The following EIF3B variants were observed in gnomAD, a reference collection of about 807,000 sequenced individuals.
EIF3B encodes the protein eukaryotic translation initiation factor 3 subunit 9.
EIF3B carries 10 observed loss-of-function variants against 104.6 expected under a neutral mutation model. That is an observed-to-expected ratio of 0.10 (90% CI 0.06 to 0.16). The LOEUF (loss-of-function observed/expected upper bound fraction) is 0.16, where lower values mean the gene tolerates loss of function less well. Ranked by LOEUF, EIF3B falls within the 10% of genes least tolerant of loss-of-function variation. EIF3B has a pLI of 1.00. For synonymous variants in EIF3B, 542 were observed against 417.2 expected (o/e 1.30, Z -3.65); for missense variants, 1,014 against 1,087.9 (o/e 0.93, Z 0.96).
intron 13 of EIF3B, 191 bp downstream of exon 13, chr7:2,374,797 C>T (rs113614121): frequency 2.0e-5 from 10 of 500,988 alleles, no homozygotes; most frequent in Middle Eastern, 3.7e-4. Flanking sequence ...AGGCCAAGCC[C>T]GCACAGAGTG....
chr7:2,378,865 T>C (rs1780834695), intron 16 of EIF3B, 99 bp downstream of exon 16: 2 of 1,096,198 alleles, frequency 1.8e-6, no homozygotes, highest in Non-Finnish European at 1.4e-6. Context: ...CAGAGTTGCC[T>C]CTGCTCCGAA....
intron 4 of EIF3B, among the ~76,000 whole-genome samples, chr7:2,363,416 T>C (rs1779845474): frequency 6.6e-6 from 1 of 151,284 alleles, no homozygotes; most frequent in Admixed American, 6.6e-5. Flanking sequence ...GAGGCTGCCG[T>C]GAGCTATGAT....
Position 2,380,270 on chromosome 7 carries a change from C to G in EIF3B, c.*81C>G. 2 of 500,154 alleles carry G rather than the reference C, an allele frequency of 4.0e-6. No individual in the cohort carries two copies. Among genetic ancestry groups the G allele is most frequent in the Non-Finnish European group, 8.0e-6 (2 of 251,302 alleles). The allele number at this position is 500,154 out of a possible 1,614,324, so 31.0% of individuals were successfully genotyped here. ...CTCCCGAGTGTGAGCCGCGGTTCCT[C>G]TGTTGCAGCGCAGCCGTGTGTGCTG... On this transcript the variant is annotated 3_prime_UTR_variant, in exon 19 of 19. Transcript: ENST00000360876.
chr7:2,357,404 A>G (rs1779505723), intron 1 of EIF3B, among the ~76,000 whole-genome samples: 1 of 152,188 alleles, frequency 6.6e-6, no homozygotes, highest in Non-Finnish European at 1.5e-5. Flanking sequence ...GTGCTTTATG[A>G]GAAGAGCTGC....
At chr7:2,370,986 C>T (rs1185181308) in intron 10 of EIF3B, among the ~76,000 whole-genome samples, 1 of 152,124 alleles carries the variant, frequency 6.6e-6, no homozygotes, top group African/African-American at 2.4e-5. Flanking sequence ...TGGCGTGAAC[C>T]CGGGAGGCGG....
At chr7:2,372,113 G>T (rs914395090) in intron 11 of EIF3B, 1 of 428,780 alleles carries the variant, frequency 2.3e-6, no homozygotes, top group Admixed American at 3.6e-5. Context: ...ACGCTGAAGC[G>T]GGAGGATCAC....
rs1243416838 is a variant in EIF3B, at chr7:2,378,736, G to A, written c.2202G>A (p.Lys734=). 2.5e-6 allele frequency: 4 copies of A among 1,614,060 alleles called. No individual in the cohort carries two copies. The highest frequency in any genetic ancestry group is 2.7e-5 in the African/African-American group (2 of 75,044). ...AATACTCTAAGATCTTTGAACAGAA[G>A]GATCGTTTGAGTCAGTCCAAAGCCT... is the stretch of plus-strand genomic sequence containing the variant. The part of the protein sequence containing the change: ...LKKYSKIFEQ[K]DRLSQSKASK... Residue 734 remains lysine (K), a synonymous_variant, in exon 16 of 19, where the codon AAG becomes AAA. Transcript: ENST00000360876.
intron 2 of EIF3B, among the ~76,000 whole-genome samples, chr7:2,361,932 A>C (rs1432370574): frequency 1.3e-5 from 2 of 149,530 alleles, no homozygotes; most frequent in Non-Finnish European, 3.0e-5. Flanking sequence ...GCACACTACC[A>C]CGCCTGGCTT....
Position 2,360,729 on chromosome 7 carries a change from C to G in EIF3B, c.519C>G (p.Leu173=), listed in dbSNP as rs1266779842. 1 of 1,589,988 alleles carries G rather than the reference C, an allele frequency of 6.3e-7. No individual in the cohort carries two copies. The highest frequency in any genetic ancestry group is 8.6e-7 in the Non-Finnish European group (1 of 1,161,440). The stretch of plus-strand genomic sequence containing the variant: ...GTTCAGAATTACTGGGAGATGTACT[C>G]AAAGATCGGCCCCAGGAAGCAGATG... ...VSEEELLGDV[L]KDRPQEADGI... is the part of the protein sequence containing the mutation. The change falls in exon 2 of 19, where the codon CTC becomes CTG. Residue 173 remains leucine (L), a synonymous_variant. Transcript: ENST00000360876.
chr7:2,372,082 C>T (rs1780374959), intron 11 of EIF3B: 2 of 487,660 alleles, frequency 4.1e-6, no homozygotes, highest in African/African-American at 1.9e-5. Context: ...TGGTGCGCAC[C>T]GATAGTCCCA....
At position 2,374,548 on chromosome 7, in the gene EIF3B, G is replaced by A; in HGVS notation, c.1831G>A (p.Ala611Thr). ...TTCAGAGATGTTCGACAAGCAGCAG[G>A]CGAACACCATCTTCTGGAGCCCCCA... is the stretch of plus-strand genomic sequence containing the variant. ...ELIKMFDKQQANTIFWSPQGQ... is the reference protein window; with the variant it reads ...ELIKMFDKQQTNTIFWSPQGQ... Residue 611 changes from alanine to threonine, a missense_variant, in exon 13 of 19, where the codon GCG becomes ACG. By Grantham distance (58) the Ala-to-Thr change is moderately conservative (BLOSUM62 0). Coordinates refer to ENST00000360876, the MANE Select transcript of EIF3B (RefSeq NM_001037283.2). 1 of 1,614,104 alleles carries A rather than the reference G, an allele frequency of 6.2e-7. No homozygotes were observed. The highest frequency in any genetic ancestry group is 8.5e-7 in the Non-Finnish European group (1 of 1,179,984).
chr7:2,361,923 CA>C (rs1413718858), intron 2 of EIF3B, among the ~76,000 whole-genome samples: 8 of 151,008 alleles, frequency 5.3e-5, no homozygotes, highest in Non-Finnish European at 1.2e-4. Flanking sequence ...ATTACAGGCG[CA>C]CACTACCACG....
Position 2,372,533 on chromosome 7 carries a change from G to A in EIF3B, c.1688-140G>A, listed in dbSNP as rs1364086491. 6 of 1,044,556 alleles carry A rather than the reference G, an allele frequency of 5.7e-6. No homozygotes were observed. In the African/African-American group the frequency reaches 9.6e-5, roughly 17 times the overall value. 64.7% of individuals were successfully genotyped at this position (1,044,556 alleles called of 1,614,324 possible). On this transcript the variant is annotated intron_variant, in intron 11 of 18. Transcript: ENST00000360876. ...AGGAATGTGCACCTTTCCTGCTGTT[G>A]CTTGCTCTCCCGTCCTTTTAATGAA...
intron 8 of EIF3B, 172 bp downstream of exon 8, chr7:2,366,763 C>T (rs1780048978): frequency 9.7e-6 from 8 of 820,850 alleles, no homozygotes; most frequent in Non-Finnish European, 1.5e-5. Context: ...GCTCTTCAGT[C>T]ACTCCTGCCC....
intron 1 of EIF3B, among the ~76,000 whole-genome samples, chr7:2,358,034 G>A (rs901522081): frequency 3.3e-5 from 5 of 151,348 alleles, no homozygotes; most frequent in Non-Finnish European, 5.9e-5. Context: ...TCTCTTGTTC[G>A]TCTCAATTTT....
intron 2 of EIF3B, among the ~76,000 whole-genome samples, chr7:2,361,914 T>G (rs1233673668): frequency 1.3e-5 from 2 of 151,820 alleles, no homozygotes; most frequent in African/African-American, 4.8e-5. Flanking sequence ...GTAGCCGGGA[T>G]TACAGGCGCA....
chr7:2,378,866 C>T, intron 16 of EIF3B, 100 bp downstream of exon 16: 1 of 1,088,530 alleles, frequency 9.2e-7, no homozygotes, highest in Non-Finnish European at 1.4e-6. Context: ...AGAGTTGCCT[C>T]TGCTCCGAAG....
At chr7:2,372,408 C>T (rs1198517277) in intron 11 of EIF3B, among the ~76,000 whole-genome samples, 2 of 152,174 alleles carry the variant, frequency 1.3e-5, no homozygotes, top group Non-Finnish European at 2.9e-5. Flanking sequence ...CTGACAATGT[C>T]GGGCTCCTGC....
chr7:2,372,552 T>C (rs967426011), intron 11 of EIF3B, 121 bp from the exon 12 acceptor site: 1 of 1,292,998 alleles, frequency 7.7e-7, no homozygotes, highest in Non-Finnish European at 1.1e-6. Flanking sequence ...CCCGTCCTTT[T>C]AATGAACTTT....
Sources: allele counts gnomAD v4.1 joint callset (sites outside exome capture counted in the v4.1 genomes callset), GRCh38; gene constraint gnomAD v4.1.1; transcripts MANE v1.5; gene names NCBI Gene and HGNC (gene_info 2026-07-23, HGNC 2026-07-21).